The following DLGAP3 variants were observed in gnomAD, a reference collection of about 807,000 sequenced individuals.
DLGAP3 encodes the protein DLG associated protein 3.
A neutral mutation model predicts 81.2 loss-of-function variants in DLGAP3; 17 were observed. That is an observed-to-expected ratio of 0.21 (90% CI 0.14 to 0.31). The LOEUF (loss-of-function observed/expected upper bound fraction) is 0.31, where lower values mean the gene tolerates loss of function less well. Ranked by LOEUF, DLGAP3 falls within the 10% of genes least tolerant of loss-of-function variation. DLGAP3 has a pLI of 1.00. For synonymous variants in DLGAP3, 577 were observed against 587.4 expected (o/e 0.98, Z 0.26); for missense variants, 1,124 against 1,388.0 (o/e 0.81, Z 3.02).
At chr1:34,869,126 G>A (rs1339188729) in intron 8 of DLGAP3, 37 bp from the exon 9 acceptor site, 2 of 1,497,968 alleles carry the variant, frequency 1.3e-6, no homozygotes, top group Non-Finnish European at 1.8e-6. Context: ...CCATTGCCCA[G>A]GCTCATGCCA....
In DLGAP3 at chr1:34,905,091, G is replaced by A. The variant is rs1310155002; in HGVS notation, c.293C>T (p.Pro98Leu). 1 of 1,591,032 alleles carries A rather than the reference G, an allele frequency of 6.3e-7. No individual in the cohort carries two copies. Residue 98 changes from proline (P) to leucine (L), a missense_variant, in exon 3 of 12, where the codon CCC becomes CTC. Physicochemically the swap from Pro to Leu is moderately conservative, Grantham distance 98. Transcript: ENST00000373347. ...TFPRMYPGQGPFDTCEDCVGH... is the reference protein window; with the variant it reads ...TFPRMYPGQGLFDTCEDCVGH... ...CACACAGTCTTCACAGGTGTCGAAGGGGCCCTGGCCAGGGTACATCCTGGG... is the reference window on the plus strand; with the variant it reads ...CACACAGTCTTCACAGGTGTCGAAGAGGCCCTGGCCAGGGTACATCCTGGG...
In DLGAP3 at chr1:34,900,812, C is replaced by G. The variant is rs112280156; in HGVS notation, c.1108-539G>C. On this transcript the variant is annotated intron_variant, in intron 3 of 11. Transcript: ENST00000373347. This position sits in a 1 kb window ranked among gnomAD's most constrained non-coding sequence, Gnocchi z 5.6. Reference sequence around the variant, plus strand: ...GGCAGAGGCTCAAGTGGCGAGAGGACGACCAATTAGGAGGCTGATGCTGTT... The same window carrying G: ...GGCAGAGGCTCAAGTGGCGAGAGGAGGACCAATTAGGAGGCTGATGCTGTT... 2.0e-5 allele frequency among the ~76,000 whole-genome samples: 3 copies of G among 152,158 alleles called. No homozygotes were observed. Among genetic ancestry groups the G allele is most frequent in the Admixed American group, 6.5e-5 (1 of 15,272 alleles).
At chr1:34,894,251 T>C (rs1461704177) in intron 5 of DLGAP3, among the ~76,000 whole-genome samples, 1 of 119,582 alleles carries the variant, frequency 8.4e-6, no homozygotes, top group African/African-American at 3.1e-5. Flanking sequence ...AAAGGCATAG[T>C]GATAAGATAA....
At position 34,904,121 on chromosome 1, in the gene DLGAP3, C is replaced by T. The variant is rs960983840; in HGVS notation, c.1107+156G>A. 6.6e-6 allele frequency among the ~76,000 whole-genome samples: 1 copy of T among 152,220 alleles called. No individual in the cohort carries two copies. ...TGGGGAAAGTGAAGCCCCAAAGGAG[C>T]TCAGAGTGACCCAATGGGGCAGGGC... On this transcript the variant is annotated intron_variant, in intron 3 of 11. Transcript: ENST00000373347. The surrounding 1 kb of genome is among the most constrained non-coding windows in gnomAD (Gnocchi z 8.1).
intron 8 of DLGAP3, among the ~76,000 whole-genome samples, chr1:34,879,678 TG>T (rs1307552838): frequency 6.6e-6 from 1 of 151,722 alleles, no homozygotes; most frequent in East Asian, 1.9e-4. Context: ...AAAATTCATT[TG>T]AAAACTAAAA....
intron 1 of DLGAP3, among the ~76,000 whole-genome samples, chr1:34,923,950 T>A (rs1247788040): frequency 6.6e-6 from 1 of 152,050 alleles, no homozygotes; most frequent in African/African-American, 2.4e-5. Context: ...CTTCCTCCCC[T>A]CACAGGGAGG....
At chr1:34,912,266 T>A (rs1639650769) in intron 1 of DLGAP3, among the ~76,000 whole-genome samples, 1 of 152,214 alleles carries the variant, frequency 6.6e-6, no homozygotes, top group Non-Finnish European at 1.5e-5. Flanking sequence ...TTTCTCTGGA[T>A]GACCATCTAA....
chr1:34,866,956 C>T, intron 11 of DLGAP3, 92 bp downstream of exon 11: 1 of 1,460,088 alleles, frequency 6.8e-7, no homozygotes, highest in Non-Finnish European at 9.6e-7. Context: ...GGATCCCTTC[C>T]CCTGCCCCCT....
chr1:34,887,172 G>T (rs1029648265), intron 5 of DLGAP3, among the ~76,000 whole-genome samples: 1 of 151,716 alleles, frequency 6.6e-6, no homozygotes, highest in African/African-American at 2.4e-5. Context: ...AGCCAGGATG[G>T]TCTCGATCTC....
intron 1 of DLGAP3, among the ~76,000 whole-genome samples, chr1:34,910,698 C>T (rs780850535): frequency 5.3e-5 from 8 of 152,172 alleles, no homozygotes; most frequent in Non-Finnish European, 1.0e-4. Flanking sequence ...GTTGCTTCCT[C>T]GGGGAAGCTT....
At chr1:34,890,303 C>T in intron 5 of DLGAP3, among the ~76,000 whole-genome samples, 1 of 152,202 alleles carries the variant, frequency 6.6e-6, no homozygotes, top group East Asian at 1.9e-4. Context: ...ACTCCTAACC[C>T]AAGCTGCTCA....
intron 8 of DLGAP3, among the ~76,000 whole-genome samples, chr1:34,877,056 T>C (rs1639069167): frequency 6.6e-6 from 1 of 152,162 alleles, no homozygotes; most frequent in Non-Finnish European, 1.5e-5. Flanking sequence ...GAATGAGAAA[T>C]GTCCAGGTAT....
At chr1:34,894,834 A>G (rs1026439800) in intron 5 of DLGAP3, among the ~76,000 whole-genome samples, 2 of 152,192 alleles carry the variant, frequency 1.3e-5, no homozygotes, top group Admixed American at 1.3e-4. Flanking sequence ...AAAAGTAACA[A>G]TAATAATAGA....
intron 8 of DLGAP3, 93 bp from the exon 9 acceptor site, chr1:34,869,182 G>A (rs1315200698): frequency 1.1e-6 from 1 of 924,172 alleles, no homozygotes; most frequent in Admixed American, 2.7e-5. Context: ...GAATGAGAAA[G>A]GGAACCTACA....
chr1:34,910,226 T>G (rs773037204), intron 1 of DLGAP3, among the ~76,000 whole-genome samples: 1 of 152,176 alleles, frequency 6.6e-6, no homozygotes, highest in Non-Finnish European at 1.5e-5. Flanking sequence ...CGCTCTTTAT[T>G]TAAACCACTG....
In DLGAP3 at chr1:34,886,125, T is replaced by C. The variant is rs1639224091; in HGVS notation, c.1547A>G (p.Asp516Gly). Residue 516 changes from aspartate to glycine, a missense_variant, in exon 6 of 12, where the codon GAC becomes GGC. This residue lies in a region of DLGAP3 where 11 missense variants were observed against 35.2 expected (regional missense o/e 0.31). Transcript: ENST00000373347. ...AGGGGTAGCGAGGAGGGGCAGGCAG[T>C]CGTCGTCTTGAGAGCAGCCGGCCTG... is the stretch of plus-strand genomic sequence containing the variant. ...AIQAGCSQDD[D>G]CLPLLATPAA... 1 of 1,607,256 alleles carries C rather than the reference T, an allele frequency of 6.2e-7. No individual in the cohort carries two copies. Among genetic ancestry groups the C allele is most frequent in the African/African-American group, 1.3e-5 (1 of 74,892 alleles).
At chr1:34,880,050 T>TC (rs959657009) in intron 8 of DLGAP3, among the ~76,000 whole-genome samples, 8 of 151,900 alleles carry the variant, frequency 5.3e-5, no homozygotes, top group Non-Finnish European at 8.8e-5. Flanking sequence ...TTTTTTTCTT[T>TC]CCCCCCCTTT....
At chr1:34,897,728 C>CA (rs1305119262) in intron 5 of DLGAP3, among the ~76,000 whole-genome samples, 1 of 152,176 alleles carries the variant, frequency 6.6e-6, no homozygotes, top group African/African-American at 2.4e-5. Flanking sequence ...TACAGGAGAC[C>CA]AACTACAAGG....
intron 1 of DLGAP3, among the ~76,000 whole-genome samples, chr1:34,912,583 C>T (rs142083588): frequency 6.6e-6 from 1 of 152,186 alleles, no homozygotes; most frequent in African/African-American, 2.4e-5. Flanking sequence ...ATGAGATCAT[C>T]CCCACACCAG....
Sources: gnomAD v4.1 joint callset for allele counts (sites outside exome capture counted in the v4.1 genomes callset) on GRCh38, gnomAD v4.1.1 for gene constraint, gnomAD v4.1.1 regional missense constraint, Gnocchi (gnomAD v3.1) non-coding constraint, MANE v1.5 for transcripts, NCBI Gene and HGNC (gene_info 2026-07-23, HGNC 2026-07-21) for gene names.